FBXO11: variants seen among roughly 807,000 people sequenced by gnomAD.
FBXO11 encodes the protein F-box protein 11.
FBXO11 carries 13 observed loss-of-function variants against 117.0 expected under a neutral mutation model. The observed-to-expected ratio is 0.11, with a 90% CI of 0.07 to 0.18. FBXO11 has a LOEUF of 0.18. FBXO11 is among the 10% of genes least tolerant of loss of function. FBXO11 has a pLI of 1.00. For synonymous variants in FBXO11, 490 were observed against 380.5 expected, an observed-to-expected ratio of 1.29 and a Z score of -3.35; for missense variants, 767 against 1,164.4, an observed-to-expected ratio of 0.66 and a Z score of 4.97.
intron 1 of FBXO11, among the ~76,000 whole-genome samples, chr2:47,902,055 C>T (rs1678338136): frequency 6.6e-6 from 1 of 152,232 alleles, no homozygotes; most frequent in Admixed American, 6.5e-5. Flanking sequence ...CCTGCCTCAG[C>T]CTCCAGAGTA....
chr2:47,904,566 A>ACG (rs1255813395), intron 1 of FBXO11, among the ~76,000 whole-genome samples: 343 of 144,960 alleles, frequency 2.4e-3, no homozygotes, highest in Admixed American at 6.3e-3. Context: ...CAACACACAC[A>ACG]CGCGCGCGCG....
rs1041484799 is a variant in FBXO11 at position 47,806,956 on chromosome 2, A to G, written c.*1162T>C. 11 of 951,960 alleles carry G rather than the reference A, an allele frequency of 1.2e-5. No homozygotes were observed. Among genetic ancestry groups the G allele is most frequent in the Admixed American group, 4.0e-5 (2 of 50,096 alleles). 59.0% of individuals were successfully genotyped at this position (951,960 alleles called of 1,614,324 possible). ...TAAACTTTATTTTTTAAAAATGACC[A>G]TTTTTCCATTTTCTTTCTAGGAAAT... On this transcript the variant is annotated 3_prime_UTR_variant, in exon 23 of 23. Coordinates refer to ENST00000403359, the MANE Select transcript of FBXO11 (RefSeq NM_001190274.2).
chr2:47,818,370 T>A (rs1671153135), intron 16 of FBXO11: 1 of 158,366 alleles, frequency 6.3e-6, no homozygotes, highest in Admixed American at 6.4e-5. Context: ...TCCAAAAACT[T>A]AAAATATTAG....
At chr2:47,841,159 CT>C (rs1321385938) in intron 1 of FBXO11, among the ~76,000 whole-genome samples, 1 of 152,100 alleles carries the variant, frequency 6.6e-6, no homozygotes, top group Non-Finnish European at 1.5e-5. Flanking sequence ...GATCATGCCA[CT>C]GCACTCCAGC....
chr2:47,881,243 C>T (rs1349434845), intron 1 of FBXO11, among the ~76,000 whole-genome samples: 1 of 152,126 alleles, frequency 6.6e-6, no homozygotes, highest in East Asian at 1.9e-4. Context: ...CACAACGAGA[C>T]TCTGTCTCAA....
intron 16 of FBXO11, among the ~76,000 whole-genome samples, chr2:47,817,625 C>T (rs543397853): frequency 9.9e-5 from 15 of 152,256 alleles, no homozygotes; most frequent in Admixed American, 2.0e-4. Context: ...GTGAGAGATA[C>T]GCAACTCCTC....
At chr2:47,861,659 C>T (rs1572863223) in intron 1 of FBXO11, among the ~76,000 whole-genome samples, 1 of 152,078 alleles carries the variant, frequency 6.6e-6, no homozygotes, top group East Asian at 1.9e-4. Flanking sequence ...TTGGCAGGTC[C>T]AAGCCAATGT....
At chr2:47,889,661 A>G (rs1677121126) in intron 1 of FBXO11, among the ~76,000 whole-genome samples, 1 of 152,098 alleles carries the variant, frequency 6.6e-6, no homozygotes, top group African/African-American at 2.4e-5. Context: ...AATAATGATG[A>G]AATTATTTCC....
At position 47,832,448 on chromosome 2, in the gene FBXO11, T is replaced by G; in HGVS notation, c.1299A>C (p.Leu433Phe). Residue 433 changes from leucine (L) to phenylalanine (F), a missense_variant, in exon 11 of 23, where the codon TTA becomes TTC. Coordinates refer to ENST00000403359, the MANE Select transcript of FBXO11 (RefSeq NM_001190274.2). ...CATGATTTTTAACCCAAATCCCAGCTAACGCATTATTGGAAATTTCATTAT... is the reference window on the plus strand; with the variant it reads ...CATGATTTTTAACCCAAATCCCAGCGAACGCATTATTGGAAATTTCATTAT... The part of the protein sequence containing the change: ...YEDNEISNNA[L>F]AGIWVKNHGN... 1 of 1,613,782 alleles carries G rather than the reference T, an allele frequency of 6.2e-7. No individual in the cohort carries two copies. Among genetic ancestry groups the G allele is most frequent in the Non-Finnish European group, 8.5e-7 (1 of 1,179,826 alleles).
intron 1 of FBXO11, among the ~76,000 whole-genome samples, chr2:47,845,890 A>G (rs746674329): frequency 1.3e-5 from 2 of 150,354 alleles, no homozygotes; most frequent in African/African-American, 2.4e-5. Context: ...CTTTACAGGA[A>G]AAAAAAAAAC....
At chr2:47,837,651 G>C (rs113545927) in intron 4 of FBXO11, among the ~76,000 whole-genome samples, 3 of 152,292 alleles carry the variant, frequency 2.0e-5, no homozygotes, top group African/African-American at 7.2e-5. Flanking sequence ...ACTATTAACA[G>C]TCTGCCATAT....
In FBXO11 at chr2:47,818,905, A is replaced by G. The variant is rs372328701; in HGVS notation, c.1921-41T>C. Reference sequence around the variant, plus strand: ...AAAAAAAAAGCTTTTTCAAGGGACAAGTATTTACAAAACAATGTATTTCCC... The same window carrying G: ...AAAAAAAAAGCTTTTTCAAGGGACAGGTATTTACAAAACAATGTATTTCCC... On this transcript the variant is annotated intron_variant, in intron 15 of 22. Transcript: ENST00000403359. 2.5e-6 allele frequency: 4 copies of G among 1,582,954 alleles called. No individual in the cohort carries two copies. In the African/African-American group the frequency reaches 5.5e-5, roughly 22 times the overall value.
At chr2:47,823,060 C>T (rs1671505374) in intron 12 of FBXO11, 83 bp downstream of exon 12, 7 of 977,828 alleles carry the variant, frequency 7.2e-6, no homozygotes, top group African/African-American at 3.3e-5. Flanking sequence ...CAAAAACTTT[C>T]AAGAGTTAAA....
chr2:47,807,523 C>T lies in FBXO11; in HGVS notation c.*595G>A, dbSNP rs1670304023. 1 of 210,802 alleles carries T rather than the reference C, an allele frequency of 4.7e-6. No homozygotes were observed. Among genetic ancestry groups the T allele is most frequent in the Non-Finnish European group, 9.6e-6 (1 of 103,734 alleles). 13.1% of individuals were successfully genotyped at this position (210,802 alleles called of 1,614,324 possible). ...CTCTTTCATAGAAAGAACGTACATA[C>T]TGGGACATGAGTACAGTTACAGCAA... On this transcript the variant is annotated 3_prime_UTR_variant, in exon 23 of 23. Coordinates refer to ENST00000403359, the MANE Select transcript of FBXO11 (RefSeq NM_001190274.2).
intron 1 of FBXO11, 95 bp from the exon 2 acceptor site, chr2:47,839,864 G>A: frequency 2.8e-6 from 3 of 1,088,138 alleles, no homozygotes; most frequent in Non-Finnish European, 3.9e-6. Flanking sequence ...ATTCGGGAGG[G>A]AGCAGATGTA....
chr2:47,898,059 T>C (rs1363670857), intron 1 of FBXO11, among the ~76,000 whole-genome samples: 1 of 152,232 alleles, frequency 6.6e-6, no homozygotes, highest in Non-Finnish European at 1.5e-5. Context: ...ATGATCTTCA[T>C]TTGTTAAAAA....
chr2:47,874,282 A>G (rs1342712818), intron 1 of FBXO11, among the ~76,000 whole-genome samples: 10 of 152,036 alleles, frequency 6.6e-5, no homozygotes, highest in Admixed American at 5.2e-4. Flanking sequence ...TTATATTTCT[A>G]TTTTGTTGTG....
rs1005102661 is a variant in FBXO11 at position 47,905,865 on chromosome 2, G to A, written c.-145C>T. On this transcript the variant is annotated 5_prime_UTR_variant, in exon 1 of 23. Coordinates refer to ENST00000403359, the MANE Select transcript of FBXO11 (RefSeq NM_001190274.2). The stretch of plus-strand genomic sequence containing the variant: ...AGGGGAAGGGGAGACGCTGAGGGCG[G>A]AGGGGGCGAGCGGGACCCCGAGTCC... The A allele has an allele frequency of 8.0e-6, 6 of 748,460 alleles. No homozygotes were observed. In the African/African-American group the frequency reaches 9.3e-5, roughly 12 times the overall value. The allele number at this position is 748,460 out of a possible 1,614,324, so 46.4% of individuals were successfully genotyped here. A position where few individuals can be genotyped will look rare whatever the true frequency, so the allele number is the denominator to read the frequency against.
chr2:47,903,166 A>C (rs376077011), intron 1 of FBXO11, among the ~76,000 whole-genome samples: 1 of 152,128 alleles, frequency 6.6e-6, no homozygotes, highest in Non-Finnish European at 1.5e-5. Flanking sequence ...AAAGAATAAC[A>C]TATTTTTCCA....
Sources: gnomAD v4.1 joint callset for allele counts (sites outside exome capture counted in the v4.1 genomes callset) on GRCh38, gnomAD v4.1.1 for gene constraint, MANE v1.5 for transcripts, NCBI Gene and HGNC (gene_info 2026-07-23, HGNC 2026-07-21) for gene names.